Variants in KCNN3 observed in about 807,000 individuals in gnomAD.
The protein encoded by KCNN3 is potassium calcium-activated channel subfamily N member 3, also known as small conductance calcium-activated potassium channel protein 3.
A neutral mutation model predicts 62.9 loss-of-function variants in KCNN3; 16 were observed. That is an observed-to-expected ratio of 0.25 (90% CI 0.17 to 0.39). The LOEUF is 0.39. KCNN3 is among the 10% of genes least tolerant of loss of function. The probability of loss-of-function intolerance (pLI) is 1.00; values close to 1 mark genes in which losing one functional copy is unlikely to be tolerated. For missense variants in KCNN3, 599 were observed against 949.4 expected, an observed-to-expected ratio of 0.63 and a Z score of 4.85; for synonymous variants, 370 against 389.2, an observed-to-expected ratio of 0.95 and a Z score of 0.58.
intron 2 of KCNN3, among the ~76,000 whole-genome samples, chr1:154,779,894 C>A (rs1042645860): frequency 2.6e-5 from 4 of 152,212 alleles, no homozygotes; most frequent in African/African-American, 7.2e-5. Context: ...TCCCTTGTCA[C>A]CTGCACCTCA....
intron 3 of KCNN3, among the ~76,000 whole-genome samples, chr1:154,757,897 C>A (rs1179457770): frequency 6.6e-6 from 1 of 152,182 alleles, no homozygotes; most frequent in African/African-American, 2.4e-5. Flanking sequence ...TGGGTACTCA[C>A]CGTGTGCTAA....
intron 2 of KCNN3, among the ~76,000 whole-genome samples, chr1:154,815,495 C>T (rs1195139078): frequency 6.6e-6 from 1 of 152,202 alleles, no homozygotes; most frequent in Admixed American, 6.5e-5. Context: ...TTCACAGACC[C>T]TCATATTATG....
intron 2 of KCNN3, among the ~76,000 whole-genome samples, chr1:154,813,824 C>A (rs1050156549): frequency 6.6e-6 from 1 of 152,188 alleles, no homozygotes; most frequent in Non-Finnish European, 1.5e-5. Context: ...GCACACCCAC[C>A]CCATCGGAGA....
chr1:154,817,106 C>CA (rs1171180159), intron 2 of KCNN3, among the ~76,000 whole-genome samples: 1 of 152,200 alleles, frequency 6.6e-6, no homozygotes, highest in Non-Finnish European at 1.5e-5. Context: ...TTAATCTGTA[C>CA]AATAACCCTT....
chr1:154,856,059 A>G (rs1169011434), intron 1 of KCNN3, among the ~76,000 whole-genome samples: 2 of 152,202 alleles, frequency 1.3e-5, no homozygotes, highest in African/African-American at 4.8e-5. Flanking sequence ...CCTCGGGGAA[A>G]AGTACATTTC....
rs74345725 is a variant in KCNN3, at chr1:154,707,440, T to C, written c.*536A>G. On this transcript the variant is annotated 3_prime_UTR_variant, in exon 8 of 8. Transcript: ENST00000271915. The stretch of plus-strand genomic sequence containing the variant: ...TTGTCTGTGTCTTTTTTTTTTTTTT[T>C]CAGTCTGATTCGAGTATATCTGTTT... 1 of 151,008 alleles carries C rather than the reference T, an allele frequency of 6.6e-6. No homozygotes were observed. The highest frequency in any genetic ancestry group is 1.9e-4 in the East Asian group (1 of 5,154). The allele number at this position is 151,008 out of a possible 1,614,324, so 9.4% of individuals were successfully genotyped here.
At chr1:154,729,477 C>T (rs534069767) in intron 4 of KCNN3, among the ~76,000 whole-genome samples, 2 of 152,002 alleles carry the variant, frequency 1.3e-5, no homozygotes, top group African/African-American at 2.4e-5. Flanking sequence ...AAATCTGGAC[C>T]GAGACTCCTC....
intron 1 of KCNN3, among the ~76,000 whole-genome samples, chr1:154,864,734 C>T (rs959009123): frequency 3.9e-5 from 6 of 152,192 alleles, no homozygotes; most frequent in Admixed American, 1.3e-4. Flanking sequence ...ACCCCAGCAA[C>T]GAGGCCAGGC....
intron 1 of KCNN3, among the ~76,000 whole-genome samples, chr1:154,857,755 T>C (rs73011469): frequency 0.027 from 4,045 of 152,226 alleles, 155 homozygotes; most frequent in African/African-American, 0.089. Flanking sequence ...GGGAGAATTA[T>C]ATCTACCTCA....
intron 2 of KCNN3, among the ~76,000 whole-genome samples, chr1:154,793,370 A>C (rs1365193492): frequency 6.6e-6 from 1 of 151,970 alleles, no homozygotes; most frequent in African/African-American, 2.4e-5. Context: ...TTACACCTGG[A>C]GTTTCATCCC....
intron 3 of KCNN3, among the ~76,000 whole-genome samples, chr1:154,758,197 A>C (rs1166961920): frequency 1.3e-5 from 2 of 152,198 alleles, no homozygotes; most frequent in African/African-American, 2.4e-5. Context: ...AGTGTCCCAG[A>C]GGGTGTTCAA....
intron 1 of KCNN3, among the ~76,000 whole-genome samples, chr1:154,841,578 A>G (rs1651833638): frequency 6.6e-6 from 1 of 152,186 alleles, no homozygotes; most frequent in South Asian, 2.1e-4. Flanking sequence ...CGCTTGCCTA[A>G]AGCCACACAG....
intron 4 of KCNN3, among the ~76,000 whole-genome samples, chr1:154,732,645 T>C (rs952707093): frequency 1.3e-5 from 2 of 152,144 alleles, no homozygotes; most frequent in African/African-American, 4.8e-5. Flanking sequence ...GACAATAAAC[T>C]GCAAGCTCCA....
chr1:154,864,894 G>A (rs529490060), intron 1 of KCNN3, among the ~76,000 whole-genome samples: 2 of 152,214 alleles, frequency 1.3e-5, no homozygotes, highest in South Asian at 4.1e-4. Context: ...GCTTGAGGTT[G>A]TACAGATTGG....
At chr1:154,714,195 TG>T in intron 6 of KCNN3, among the ~76,000 whole-genome samples, 1 of 136,230 alleles carries the variant, frequency 7.3e-6, no homozygotes, top group Non-Finnish European at 1.6e-5. Context: ...GTGTGTGTGG[TG>T]TGTGTGTCGT....
intron 1 of KCNN3, among the ~76,000 whole-genome samples, chr1:154,853,542 A>AG (rs1652389566): frequency 6.6e-6 from 1 of 151,626 alleles, no homozygotes; most frequent in South Asian, 2.1e-4. Flanking sequence ...TATATGGCCT[A>AG]GGCTGGTCTC....
At chr1:154,726,150 C>A in intron 4 of KCNN3, 124 bp from the exon 5 acceptor site, 1 of 694,552 alleles carries the variant, frequency 1.4e-6, no homozygotes. Context: ...AACTTGAGCT[C>A]TCTGGCTGGT....
At chr1:154,714,168 GA>G (rs1700146626) in intron 6 of KCNN3, among the ~76,000 whole-genome samples, 1 of 105,528 alleles carries the variant, frequency 9.5e-6, no homozygotes, top group Non-Finnish European at 2.0e-5. Flanking sequence ...TGGTGTGTGT[GA>G]TGTGTGGTGT....
In KCNN3 at chr1:154,737,138, T is replaced by A. The variant is rs771196380; in HGVS notation, c.1449-3994A>T. On this transcript the variant is annotated intron_variant, in intron 3 of 7. Coordinates refer to ENST00000271915, the MANE Select transcript of KCNN3 (RefSeq NM_002249.6). ...AAAGGTTTCTAAACCTATTCACAAT[T>A]TTAGAGCGGTTTACACATGTCACAA... The A allele has an allele frequency of 3.2e-5, 21 of 662,482 alleles. 1 individual carries two copies. In the South Asian group the frequency reaches 3.2e-4, roughly 10 times the overall value. 41.0% of individuals were successfully genotyped at this position (662,482 alleles called of 1,614,324 possible).
Sources: allele counts gnomAD v4.1 joint callset (sites outside exome capture counted in the v4.1 genomes callset), GRCh38; gene constraint gnomAD v4.1.1; transcripts MANE v1.5; gene names NCBI Gene and HGNC (gene_info 2026-07-23, HGNC 2026-07-21).